The following GPM6A variants were observed in gnomAD, a reference collection of about 807,000 sequenced individuals.
GPM6A encodes neuronal membrane glycoprotein M6-a.
In GPM6A, 7 loss-of-function variants were observed where a neutral mutation model predicts 32.1. The ratio of observed to expected loss-of-function variants is 0.22; its 90% CI spans 0.12 to 0.41. GPM6A has a LOEUF of 0.41. Among genes scored for constraint, GPM6A ranks in the 10% least tolerant of loss-of-function variants. GPM6A has a pLI of 1.00. For missense variants in GPM6A, 235 were observed against 347.2 expected (o/e 0.68, Z 2.57); for synonymous variants, 130 against 123.4 (o/e 1.05, Z -0.35).
intron 1 of GPM6A, among the ~76,000 whole-genome samples, chr4:175,710,650 T>A (rs1046435459): frequency 7.9e-5 from 12 of 152,112 alleles, no homozygotes; most frequent in Admixed American, 4.6e-4. Context: ...TAGCAGAAAT[T>A]TTCATCACCA....
At chr4:175,820,555 C>T (rs538300758) in intron 1 of GPM6A, among the ~76,000 whole-genome samples, 30 of 128,730 alleles carry the variant, frequency 2.3e-4, no homozygotes, top group Admixed American at 9.2e-4. Context: ...GGCTGGAGTG[C>T]AGTGGTGCAA....
At chr4:175,749,202 C>T (rs1164042137) in intron 1 of GPM6A, among the ~76,000 whole-genome samples, 8 of 134,450 alleles carry the variant, frequency 6.0e-5, no homozygotes, top group Non-Finnish European at 1.0e-4. Context: ...GCAGTTTTTG[C>T]CAAAAAAAAG....
intron 3 of GPM6A, among the ~76,000 whole-genome samples, chr4:175,652,482 T>C (rs1741863805): frequency 6.6e-6 from 1 of 152,098 alleles, no homozygotes; most frequent in Non-Finnish European, 1.5e-5. Context: ...CATTAGTATA[T>C]AATATTAGTG....
At chr4:175,849,485 A>G (rs1736186848) in intron 1 of GPM6A, among the ~76,000 whole-genome samples, 1 of 152,182 alleles carries the variant, frequency 6.6e-6, no homozygotes, top group Non-Finnish European at 1.5e-5. Context: ...GACATGTAGC[A>G]CCACCAAAAA....
chr4:175,877,959 C>T (rs918915713), intron 1 of GPM6A, among the ~76,000 whole-genome samples: 28 of 152,300 alleles, frequency 1.8e-4, no homozygotes, highest in Admixed American at 2.0e-4. Flanking sequence ...AACACTCACT[C>T]GAAATGGGAG....
chr4:175,729,601 G>T (rs1053195775), intron 1 of GPM6A, among the ~76,000 whole-genome samples: 1 of 151,862 alleles, frequency 6.6e-6, no homozygotes, highest in African/African-American at 2.4e-5. Flanking sequence ...AGTATAAGTG[G>T]ATTGTTTGGA....
intron 1 of GPM6A, among the ~76,000 whole-genome samples, chr4:175,783,175 A>G (rs1733677120): frequency 6.6e-6 from 1 of 151,988 alleles, no homozygotes; most frequent in South Asian, 2.1e-4. Context: ...TAAGGATTCT[A>G]AACATAAACA....
chr4:175,825,461 C>T (rs1735403917), intron 1 of GPM6A, among the ~76,000 whole-genome samples: 1 of 152,132 alleles, frequency 6.6e-6, no homozygotes, highest in Non-Finnish European at 1.5e-5. Context: ...TGGGTCCTCG[C>T]TCCCATGGTC....
intron 1 of GPM6A, among the ~76,000 whole-genome samples, chr4:175,833,413 T>C (rs1735674735): frequency 6.6e-6 from 1 of 152,142 alleles, no homozygotes; most frequent in Admixed American, 6.5e-5. Flanking sequence ...TGCTAGTCCG[T>C]TTGTTTTGTT....
At chr4:175,936,702 A>G (rs1241734026) in intron 1 of GPM6A, among the ~76,000 whole-genome samples, 1 of 152,200 alleles carries the variant, frequency 6.6e-6, no homozygotes, top group African/African-American at 2.4e-5. Context: ...TTGAAGAAAA[A>G]AAACCCATAA....
chr4:175,722,724 C>T (rs1746204789), intron 1 of GPM6A, among the ~76,000 whole-genome samples: 1 of 152,034 alleles, frequency 6.6e-6, no homozygotes, highest in Non-Finnish European at 1.5e-5. Context: ...TTTCTTTTTA[C>T]TATTAAAACC....
intron 1 of GPM6A, among the ~76,000 whole-genome samples, chr4:175,923,381 T>C (rs1174924770): frequency 6.7e-6 from 1 of 148,954 alleles, no homozygotes; most frequent in African/African-American, 2.5e-5. Flanking sequence ...GGCTACGAGA[T>C]ACCTGGGAAA....
chr4:175,760,793 G>A (rs2111208550), intron 1 of GPM6A, among the ~76,000 whole-genome samples: 1 of 151,882 alleles, frequency 6.6e-6, no homozygotes, highest in African/African-American at 2.4e-5. Flanking sequence ...TCCTGCTTAA[G>A]GATAAAACAA....
intron 1 of GPM6A, among the ~76,000 whole-genome samples, chr4:175,706,605 T>G (rs942288466): frequency 6.6e-6 from 1 of 152,200 alleles, no homozygotes; most frequent in African/African-American, 2.4e-5. Flanking sequence ...CATTATCAAG[T>G]GTCCAGAGAG....
chr4:175,996,564 A>G (rs993211626), intron 1 of GPM6A, among the ~76,000 whole-genome samples: 2 of 152,200 alleles, frequency 1.3e-5, no homozygotes, highest in Non-Finnish European at 2.9e-5. Flanking sequence ...ACTCAAGGGA[A>G]AATAAGGAAG....
At chr4:175,883,399 C>T (rs959003190) in intron 1 of GPM6A, among the ~76,000 whole-genome samples, 2 of 152,006 alleles carry the variant, frequency 1.3e-5, no homozygotes, top group Admixed American at 6.6e-5. Context: ...TATTATCTTG[C>T]AATATCCAAT....
At chr4:175,910,514 A>T (rs1738281434) in intron 1 of GPM6A, among the ~76,000 whole-genome samples, 1 of 152,130 alleles carries the variant, frequency 6.6e-6, no homozygotes, top group African/African-American at 2.4e-5. Flanking sequence ...CCCAACAAGC[A>T]CTGTTTGACT....
chr4:175,832,733 A>G (rs1735653699), intron 1 of GPM6A, among the ~76,000 whole-genome samples: 2 of 152,216 alleles, frequency 1.3e-5, no homozygotes, highest in African/African-American at 4.8e-5. Flanking sequence ...CTACTCACAT[A>G]CAAGTATTAT....
chr4:175,637,304 TTA>T (rs1200693094), intron 6 of GPM6A, among the ~76,000 whole-genome samples: 1 of 38,946 alleles, frequency 2.6e-5, no homozygotes, highest in East Asian at 1.4e-3. Context: ...ATATTATATA[TTA>T]TATATAATAT....
Sources: allele counts gnomAD v4.1 joint callset (sites outside exome capture counted in the v4.1 genomes callset), GRCh38; gene constraint gnomAD v4.1.1; transcripts MANE v1.5; gene names NCBI Gene and HGNC (gene_info 2026-07-23, HGNC 2026-07-21).